DNAH5: variants seen among roughly 807,000 people sequenced by gnomAD.
DNAH5 encodes dynein axonemal heavy chain 5.
Under a neutral mutation model 518.2 loss-of-function variants are expected in DNAH5, and 372 were observed. That is an observed-to-expected ratio of 0.72 (90% CI 0.66 to 0.78). DNAH5 has a LOEUF of 0.78. DNAH5 is among the 30% of genes least tolerant of loss of function. The pLI, the probability that DNAH5 is intolerant of heterozygous loss-of-function variation, is 0.00. For missense variants in DNAH5, 5,523 were observed against 5,687.0 expected (o/e 0.97, Z 0.93); for synonymous variants, 2,039 against 2,025.9 (o/e 1.01, Z -0.17).
chr5:13,696,147 C>T (rs1181613620), intron 78 of DNAH5, among the ~76,000 whole-genome samples: 1 of 152,186 alleles, frequency 6.6e-6, no homozygotes, highest in African/African-American at 2.4e-5. Context: ...ACCGTTGAGA[C>T]CCCTCTTGCA....
intron 35 of DNAH5, among the ~76,000 whole-genome samples, chr5:13,831,337 A>T (rs888732055): frequency 2.6e-5 from 4 of 152,242 alleles, no homozygotes; most frequent in Admixed American, 2.6e-4. Flanking sequence ...ATATGAGATT[A>T]ACAAATAAAA....
chr5:13,859,566 C>A lies in DNAH5; in HGVS notation c.4836G>T (p.Val1612=). The A allele has an allele frequency of 6.2e-7, 1 of 1,614,064 alleles. No homozygotes were observed. The highest frequency in any genetic ancestry group is 8.5e-7 in the Non-Finnish European group (1 of 1,179,944). The change falls in exon 30 of 79, where the codon GTG becomes GTT. Residue 1612 remains valine (V), a synonymous_variant. Coordinates refer to ENST00000265104, the MANE Select transcript of DNAH5 (RefSeq NM_001369.3). ...TGTCTGTTGAGTTGGAAAGGTACTGCACCCATTTTTGAATCTGGGCTTTGA... is the reference window on the plus strand; with the variant it reads ...TGTCTGTTGAGTTGGAAAGGTACTGAACCCATTTTTGAATCTGGGCTTTGA... ...MPFKAQIQKW[V]QYLSNSTDII...
chr5:13,837,123 A>C (rs953940602), intron 35 of DNAH5, among the ~76,000 whole-genome samples: 2 of 152,224 alleles, frequency 1.3e-5, no homozygotes. Flanking sequence ...ACCTGATTAC[A>C]ATCCCGTGAG....
intron 1 of DNAH5, among the ~76,000 whole-genome samples, chr5:14,007,049 T>TATGTGATGTGATGA (rs1241627403): frequency 1.1e-4 from 17 of 152,208 alleles, no homozygotes; most frequent in African/African-American, 3.4e-4. Flanking sequence ...GCCCTCTCCA[T>TATGTGATGTGATGA]AGCCCTGCAA....
At chr5:13,882,461 C>T (rs935154517) in intron 21 of DNAH5, among the ~76,000 whole-genome samples, 2 of 151,896 alleles carry the variant, frequency 1.3e-5, no homozygotes, top group Non-Finnish European at 2.9e-5. Flanking sequence ...AAAGATCATT[C>T]ATCATGATTA....
chr5:13,993,413 G>C (rs1248024945), intron 1 of DNAH5, among the ~76,000 whole-genome samples: 2 of 151,932 alleles, frequency 1.3e-5, no homozygotes, highest in African/African-American at 4.8e-5. Flanking sequence ...TGAGAAAAGG[G>C]GACCCAATAC....
intron 31 of DNAH5, among the ~76,000 whole-genome samples, chr5:13,846,714 G>T (rs1380033033): frequency 6.6e-6 from 1 of 152,154 alleles, no homozygotes; most frequent in Non-Finnish European, 1.5e-5. Flanking sequence ...GGGCATGTGG[G>T]TTGAAATCAT....
chr5:13,737,629 C>T (rs984821750), intron 65 of DNAH5, 134 bp from the exon 66 acceptor site: 5 of 1,016,396 alleles, frequency 4.9e-6, no homozygotes, highest in African/African-American at 1.6e-5. Flanking sequence ...GAAATATGGA[C>T]ATCAAAAAAG....
At chr5:14,005,989 G>A (rs1162222908) in intron 1 of DNAH5, among the ~76,000 whole-genome samples, 1 of 152,124 alleles carries the variant, frequency 6.6e-6, no homozygotes, top group African/African-American at 2.4e-5. Context: ...CTCAAGTCCT[G>A]ATTCCTGCAG....
chr5:13,878,971 G>T (rs774750969), intron 21 of DNAH5, among the ~76,000 whole-genome samples: 1 of 152,144 alleles, frequency 6.6e-6, no homozygotes, highest in East Asian at 1.9e-4. Flanking sequence ...AGTCTTAGGG[G>T]TACTGACAGG....
chr5:13,841,071 A>C lies in DNAH5; in HGVS notation c.5544T>G (p.Asn1848Lys). The change falls in exon 34 of 79, where the codon AAT becomes AAG. Residue 1848 changes from asparagine to lysine, a missense_variant. Asn to Lys is a moderately conservative substitution (Grantham distance 94, BLOSUM62 0). This residue lies in a region of DNAH5 where 5,121 missense variants were observed against 5,223.3 expected (regional missense o/e 0.98). Transcript: ENST00000265104. ...WTRDSEEALRNAKFDKKIMQK... is the reference protein window; with the variant it reads ...WTRDSEEALRKAKFDKKIMQK... The stretch of plus-strand genomic sequence containing the variant: ...GCATGATTTTTTTATCAAACTTGGC[A>C]TTTCTAAGGGCTTCTTCTGAATCCC... 3 of 1,614,152 alleles carry C rather than the reference A, an allele frequency of 1.9e-6. No individual in the cohort carries two copies. Among genetic ancestry groups the C allele is most frequent in the Non-Finnish European group, 2.5e-6 (3 of 1,180,010 alleles).
chr5:13,748,863 C>A (rs971583716), intron 65 of DNAH5, among the ~76,000 whole-genome samples: 2 of 151,930 alleles, frequency 1.3e-5, no homozygotes, highest in African/African-American at 2.4e-5. Context: ...TAATTGAATA[C>A]CCTTTATTTC....
intron 12 of DNAH5, among the ~76,000 whole-genome samples, chr5:13,904,807 A>G (rs1561542631): frequency 6.6e-6 from 1 of 152,122 alleles, no homozygotes; most frequent in Non-Finnish European, 1.5e-5. Flanking sequence ...ACTACTCGGG[A>G]GGCTGAGGTG....
At chr5:13,693,801 C>T (rs917339766) in intron 78 of DNAH5, among the ~76,000 whole-genome samples, 1 of 152,152 alleles carries the variant, frequency 6.6e-6, no homozygotes, top group Non-Finnish European at 1.5e-5. Context: ...CCTGTGTTTC[C>T]CTAATCTCAT....
rs528130556 is a variant in DNAH5, at chr5:13,988,727, C to CTTTTTT, written c.12+22915_12+22920dup. Among the ~76,000 whole-genome samples, 11 of 126,606 alleles carry CTTTTTT rather than the reference C, an allele frequency of 8.7e-5. 2 individuals carry two copies. Among genetic ancestry groups the CTTTTTT allele is most frequent in the Admixed American group, 8.2e-5 (1 of 12,236 alleles). The allele number at this position is 126,606 out of a possible 152,430, so 83.1% of individuals were successfully genotyped here. ...ATGAGCCACTGCACCCAGCCCAAAT[C>CTTTTTT]TTTTTTTTTTTTGAGACAGAGTCTT... On this transcript the variant is annotated intron_variant, in intron 1 of 78. Transcript: ENST00000681290.
intron 44 of DNAH5, among the ~76,000 whole-genome samples, chr5:13,810,702 C>A (rs1395788660): frequency 4.6e-5 from 7 of 150,678 alleles, no homozygotes; most frequent in African/African-American, 1.7e-4. Flanking sequence ...TGCAGTGAGC[C>A]AAGATGGCGC....
At chr5:13,980,725 T>C (rs368511635) in intron 1 of DNAH5, among the ~76,000 whole-genome samples, 90 of 152,276 alleles carry the variant, frequency 5.9e-4, no homozygotes, top group African/African-American at 2.1e-3. Context: ...GAGACCAGAA[T>C]TGTCCTTTGA....
intron 31 of DNAH5, among the ~76,000 whole-genome samples, chr5:13,846,346 AT>A (rs1206243478): frequency 1.3e-5 from 2 of 150,942 alleles, no homozygotes; most frequent in African/African-American, 4.9e-5. Context: ...ACATTGTATT[AT>A]TTCCTGTGTA....
chr5:13,742,091 T>C (rs943028759), intron 65 of DNAH5, among the ~76,000 whole-genome samples: 5 of 152,124 alleles, frequency 3.3e-5, no homozygotes, highest in African/African-American at 1.2e-4. Flanking sequence ...CAAGTTGAAA[T>C]GTGGCACAAA....
Sources: allele counts gnomAD v4.1 joint callset (sites outside exome capture counted in the v4.1 genomes callset), GRCh38; gene constraint gnomAD v4.1.1; regional missense constraint gnomAD v4.1.1; transcripts MANE v1.5; gene names NCBI Gene and HGNC (gene_info 2026-07-23, HGNC 2026-07-21).